EYS: variants seen among roughly 807,000 people sequenced by gnomAD.
EYS encodes protein eyes shut homolog.
Under a neutral mutation model 282.1 loss-of-function variants are expected in EYS, and 250 were observed. The ratio of observed to expected loss-of-function variants is 0.89; its 90% CI spans 0.80 to 0.98. EYS has a LOEUF of 0.98. Among genes scored for constraint, EYS ranks in the 50% least tolerant of loss-of-function variants. The pLI is 0.00. For missense variants in EYS, 4,016 were observed against 3,709.0 expected (o/e 1.08, Z -2.15); for synonymous variants, 1,355 against 1,282.9 (o/e 1.06, Z -1.20).
At chr6:65,663,352 A>G (rs1768072412) in intron 1 of EYS, among the ~76,000 whole-genome samples, 2 of 152,204 alleles carry the variant, frequency 1.3e-5, no homozygotes, top group Admixed American at 1.3e-4. Context: ...ATGAATTGGT[A>G]TAGGACCACA....
intron 26 of EYS, among the ~76,000 whole-genome samples, chr6:64,462,712 C>A (rs796237670): frequency 3.3e-5 from 5 of 151,954 alleles, no homozygotes; most frequent in African/African-American, 1.2e-4. Context: ...AAGATTTTGT[C>A]TTTTTTCTCC....
chr6:64,659,736 A>C (rs1768919564), intron 22 of EYS, among the ~76,000 whole-genome samples: 2 of 152,306 alleles, frequency 1.3e-5, no homozygotes, highest in South Asian at 2.1e-4. Context: ...AAATTGAGGC[A>C]AAAACTAAGA....
At chr6:64,086,572 C>T (rs1206268167) in intron 31 of EYS, among the ~76,000 whole-genome samples, 2 of 152,118 alleles carry the variant, frequency 1.3e-5, no homozygotes, top group African/African-American at 4.8e-5. Flanking sequence ...CTTTGTAGAA[C>T]GTTCTTCCTC....
chr6:63,755,349 GC>G (rs1769451326), intron 41 of EYS, among the ~76,000 whole-genome samples: 1 of 152,134 alleles, frequency 6.6e-6, no homozygotes, highest in Non-Finnish European at 1.5e-5. Flanking sequence ...TCTACATGTG[GC>G]TAGCCAGTTT....
chr6:65,122,533 G>T (rs759141330), intron 12 of EYS, among the ~76,000 whole-genome samples: 22 of 151,866 alleles, frequency 1.4e-4, no homozygotes, highest in Non-Finnish European at 2.4e-4. Flanking sequence ...CTTATTTTTT[G>T]AAATTCGTAC....
chr6:64,072,442 G>A (rs1233558726), intron 32 of EYS, among the ~76,000 whole-genome samples: 10 of 151,144 alleles, frequency 6.6e-5, no homozygotes, highest in Middle Eastern at 6.8e-3. Context: ...TTCCTATTCA[G>A]CTGATCAGGC....
chr6:65,057,336 T>A (rs991865495), intron 13 of EYS, among the ~76,000 whole-genome samples: 7 of 152,134 alleles, frequency 4.6e-5, no homozygotes, highest in African/African-American at 1.7e-4. Flanking sequence ...GCTGGTAATA[T>A]ATTCCTTCCT....
chr6:63,883,833 C>G (rs1016044480), intron 35 of EYS, among the ~76,000 whole-genome samples: 4 of 152,204 alleles, frequency 2.6e-5, no homozygotes, highest in Admixed American at 1.3e-4. Flanking sequence ...GTATGATACT[C>G]TCATGGCTGA....
At position 64,691,480 on chromosome 6, in the gene EYS, A is replaced by G. The variant is rs571273290; in HGVS notation, c.3444-65235T>C. Among the ~76,000 whole-genome samples the G allele has an allele frequency of 3.3e-5, 5 of 152,336 alleles. No homozygotes were observed. In the East Asian group the frequency reaches 9.6e-4, roughly 29 times the overall value. On this transcript the variant is annotated intron_variant, in intron 22 of 42. Coordinates refer to ENST00000503581, the MANE Select transcript of EYS (RefSeq NM_001142800.2). ...ATGAATTTTTATATGCAACAGAAAC[A>G]GTTTGGAAAATAAATTTTAAAAATT...
intron 23 of EYS, among the ~76,000 whole-genome samples, chr6:64,624,485 A>C (rs1348247341): frequency 6.6e-6 from 1 of 152,194 alleles, no homozygotes; most frequent in Non-Finnish European, 1.5e-5. Context: ...AATGTTTGAA[A>C]TGGTATTCAT....
intron 12 of EYS, among the ~76,000 whole-genome samples, chr6:65,079,837 G>A (rs1774175787): frequency 6.6e-6 from 1 of 151,984 alleles, no homozygotes; most frequent in Admixed American, 6.6e-5. Context: ...CCAAAAATCA[G>A]AAATTCTGAT....
At chr6:64,884,824 A>C (rs1767037449) in intron 19 of EYS, among the ~76,000 whole-genome samples, 1 of 151,618 alleles carries the variant, frequency 6.6e-6, no homozygotes, top group Admixed American at 6.6e-5. Flanking sequence ...TTCAACTGTA[A>C]ATTCTGAAAG....
At chr6:64,328,511 G>T (rs1770512639) in intron 29 of EYS, among the ~76,000 whole-genome samples, 1 of 152,178 alleles carries the variant, frequency 6.6e-6, no homozygotes, top group Admixed American at 6.6e-5. Context: ...TTTATGAGAG[G>T]CTGTGCGAGG....
intron 16 of EYS, among the ~76,000 whole-genome samples, chr6:64,905,449 C>T (rs925352217): frequency 1.3e-5 from 2 of 152,168 alleles, no homozygotes; most frequent in African/African-American, 4.8e-5. Flanking sequence ...AGGATCTTTA[C>T]ATGCATAAAA....
At chr6:64,510,011 T>C (rs1777333556) in intron 26 of EYS, among the ~76,000 whole-genome samples, 1 of 152,172 alleles carries the variant, frequency 6.6e-6, no homozygotes, top group Non-Finnish European at 1.5e-5. Context: ...AATGCCATAA[T>C]GCATATTCAA....
chr6:64,371,052 G>A (rs1772351189), intron 29 of EYS, among the ~76,000 whole-genome samples: 1 of 151,836 alleles, frequency 6.6e-6, no homozygotes, highest in Non-Finnish European at 1.5e-5. Context: ...CTTGTCTTCT[G>A]CTAGCCTTGG....
intron 35 of EYS, among the ~76,000 whole-genome samples, chr6:63,928,144 C>A (rs916759439): frequency 6.6e-6 from 1 of 152,110 alleles, no homozygotes; most frequent in African/African-American, 2.4e-5. Context: ...TATTTTGATG[C>A]TTTGAACATT....
intron 28 of EYS, among the ~76,000 whole-genome samples, chr6:64,397,983 T>C (rs2150434130): frequency 6.6e-6 from 1 of 151,622 alleles, no homozygotes; most frequent in South Asian, 2.1e-4. Flanking sequence ...GTATTTAGAA[T>C]TGCATTGTCA....
intron 2 of EYS, among the ~76,000 whole-genome samples, chr6:65,559,395 A>T (rs900899450): frequency 6.6e-6 from 1 of 152,052 alleles, no homozygotes; most frequent in Non-Finnish European, 1.5e-5. Context: ...AGAAAAAAAG[A>T]AAAGAAAGAA....
Sources: allele counts gnomAD v4.1 joint callset (sites outside exome capture counted in the v4.1 genomes callset), GRCh38; gene constraint gnomAD v4.1.1; transcripts MANE v1.5; gene names NCBI Gene and HGNC (gene_info 2026-07-23, HGNC 2026-07-21).